ZKSCAN1: variants seen among roughly 807,000 people sequenced by gnomAD.
ZKSCAN1 encodes zinc finger protein with KRAB and SCAN domains 1.
In ZKSCAN1, 14 loss-of-function variants were observed where a neutral mutation model predicts 51.6. The ratio of observed to expected loss-of-function variants is 0.27; its 90% CI spans 0.18 to 0.42. ZKSCAN1 has a LOEUF of 0.42. Among genes scored for constraint, ZKSCAN1 ranks in the 10% least tolerant of loss-of-function variants. The pLI, the probability that ZKSCAN1 is intolerant of heterozygous loss-of-function variation, is 1.00. For missense variants in ZKSCAN1, 531 were observed against 710.0 expected, an observed-to-expected ratio of 0.75 and a Z score of 2.86; for synonymous variants, 263 against 261.5, an observed-to-expected ratio of 1.01 and a Z score of -0.06.
chr7:100,038,267 A>T lies in ZKSCAN1; in HGVS notation c.*4070A>T. On this transcript the variant is annotated 3_prime_UTR_variant, in exon 6 of 6. Coordinates refer to ENST00000324306, the MANE Select transcript of ZKSCAN1 (RefSeq NM_003439.4). ...ACTGTATTTTATTTTAGCCTATTTG[A>T]CAGAACACATCACTCAGAAAAAGTG... The T allele has an allele frequency of 1.0e-6, 1 of 985,382 alleles. No individual in the cohort carries two copies. The highest frequency in any genetic ancestry group is 1.1e-4 in the East Asian group (1 of 8,814). 61.0% of individuals were successfully genotyped at this position (985,382 alleles called of 1,614,324 possible). A position where few individuals can be genotyped will look rare whatever the true frequency, so the allele number is the denominator to read the frequency against.
At position 100,023,587 on chromosome 7, in the gene ZKSCAN1, G is replaced by C; in HGVS notation, c.81G>C (p.Lys27Asn). Residue 27 changes from lysine to asparagine, a missense_variant, in exon 2 of 6, where the codon AAG becomes AAC. Transcript: ENST00000324306. Reference sequence around the variant, plus strand: ...AGAAGGATGGTATCGTAATAGTGAAGGTGGAAGAGGAAGATGAGGAAGACC... The same window carrying C: ...AGAAGGATGGTATCGTAATAGTGAACGTGGAAGAGGAAGATGAGGAAGACC... ...AQEKDGIVIV[K>N]VEEEDEEDHM... The C allele has an allele frequency of 6.2e-7, 1 of 1,613,926 alleles. No individual in the cohort carries two copies. The highest frequency in any genetic ancestry group is 8.5e-7 in the Non-Finnish European group (1 of 1,180,044).
downstream of ZKSCAN1, among the ~76,000 whole-genome samples, chr7:100,042,737 C>CGTGTGTGTGTGTGT (rs34820993): frequency 1.4e-4 from 20 of 144,760 alleles, no homozygotes; most frequent in African/African-American, 2.1e-4. Context: ...TATAGATACA[C>CGTGTGTGTGTGTGT]GTGTGTGTGT....
At position 100,034,402 on chromosome 7, in the gene ZKSCAN1, A is replaced by G; in HGVS notation, c.*205A>G. ...TCCTTCCACACAGCCCCTGCAGGGA[A>G]AGGCTAATCTTACGGATAATCCACG... On this transcript the variant is annotated 3_prime_UTR_variant, in exon 6 of 6. Transcript: ENST00000324306. The G allele has an allele frequency of 1.5e-6, 2 of 1,308,770 alleles. No homozygotes were observed. Among genetic ancestry groups the G allele is most frequent in the Non-Finnish European group, 1.9e-6 (2 of 1,034,476 alleles). 81.1% of individuals were successfully genotyped at this position (1,308,770 alleles called of 1,614,324 possible).
Position 100,034,241 on chromosome 7 carries a change from A to G in ZKSCAN1, c.*44A>G. 1 of 1,499,184 alleles carries G rather than the reference A, an allele frequency of 6.7e-7. No homozygotes were observed. Among genetic ancestry groups the G allele is most frequent in the Non-Finnish European group, 8.8e-7 (1 of 1,132,546 alleles). The allele number at this position is 1,499,184 out of a possible 1,614,324, so 92.9% of individuals were successfully genotyped here. A position where few individuals can be genotyped will look rare whatever the true frequency, so the allele number is the denominator to read the frequency against. On this transcript the variant is annotated 3_prime_UTR_variant, in exon 6 of 6. Transcript: ENST00000324306. ...AGCCATTTCCCCCTTTTGTTTCTAA[A>G]ATTATTTCAGAGATGTGTGCTCCTG...
Position 100,036,250 on chromosome 7 carries a change from A to G in ZKSCAN1, c.*2053A>G. The G allele has an allele frequency of 1.0e-6, 1 of 985,456 alleles. No individual in the cohort carries two copies. The highest frequency in any genetic ancestry group is 1.7e-5 in the African/African-American group (1 of 57,362). 61.0% of individuals were successfully genotyped at this position (985,456 alleles called of 1,614,324 possible). A position where few individuals can be genotyped will look rare whatever the true frequency, so the allele number is the denominator to read the frequency against. ...AAAACGTGTTGCAAGTCAACCAGTC[A>G]CTAGGATATTTCTACCCATGCAACG... On this transcript the variant is annotated 3_prime_UTR_variant, in exon 6 of 6. Transcript: ENST00000324306.
At chr7:100,016,382 T>C (rs372657157) in intron 1 of ZKSCAN1, among the ~76,000 whole-genome samples, 1 of 152,256 alleles carries the variant, frequency 6.6e-6, no homozygotes, top group East Asian at 1.9e-4. Context: ...AAAAGAGCTG[T>C]CCGGGACGTT....
At chr7:100,044,861 C>T (rs1182045319), downstream of ZKSCAN1, 3 of 985,230 alleles carry the variant, frequency 3.0e-6, no homozygotes. Context: ...TCGGAGTTGT[C>T]ATGCGCCAGA....
In ZKSCAN1 at chr7:100,023,566, G is replaced by A. The variant is rs1306148160; in HGVS notation, c.60G>A (p.Lys20=). ...TGLSPQAAQE[K]DGIVIVKVEE... ...TGTCCCCACAGGCTGCACAGGAGAAGGATGGTATCGTAATAGTGAAGGTGG... is the reference window on the plus strand; with the variant it reads ...TGTCCCCACAGGCTGCACAGGAGAAAGATGGTATCGTAATAGTGAAGGTGG... The change falls in exon 2 of 6, where the codon AAG becomes AAA. Residue 20 remains lysine (K), a synonymous_variant. Transcript: ENST00000324306. 6.2e-7 allele frequency: 1 copy of A among 1,613,668 alleles called. No individual in the cohort carries two copies. Among genetic ancestry groups the A allele is most frequent in the Non-Finnish European group, 8.5e-7 (1 of 1,180,042 alleles).
rs2116004126 is a variant in ZKSCAN1, at chr7:100,041,292, T to G, written c.*7095T>G. The stretch of plus-strand genomic sequence containing the variant: ...TTTCATTTTACTAGGTTCCGAAGAG[T>G]CCAGATGCTTGGTAGATGTTCAATA... On this transcript the variant is annotated 3_prime_UTR_variant, in exon 6 of 6. Coordinates refer to ENST00000324306, the MANE Select transcript of ZKSCAN1 (RefSeq NM_003439.4). The G allele has an allele frequency of 1.0e-6, 1 of 984,496 alleles. No homozygotes were observed. The highest frequency in any genetic ancestry group is 1.1e-4 in the East Asian group (1 of 8,808). The allele number at this position is 984,496 out of a possible 1,614,324, so 61.0% of individuals were successfully genotyped here. A position where few individuals can be genotyped will look rare whatever the true frequency, so the allele number is the denominator to read the frequency against.
At chr7:100,044,434 G>A (rs1274240997), downstream of ZKSCAN1, among the ~76,000 whole-genome samples, 2 of 152,086 alleles carry the variant, frequency 1.3e-5, no homozygotes, top group African/African-American at 2.4e-5. Context: ...TTGGGAGGCT[G>A]AGGCAGGCGG....
chr7:100,022,009 C>T (rs1384579618), intron 1 of ZKSCAN1, among the ~76,000 whole-genome samples: 1 of 152,148 alleles, frequency 6.6e-6, no homozygotes, highest in African/African-American at 2.4e-5. Flanking sequence ...TCCCAAAGGG[C>T]TGGAATTATA....
In ZKSCAN1 at chr7:100,037,624, G is replaced by C; in HGVS notation, c.*3427G>C. On this transcript the variant is annotated 3_prime_UTR_variant, in exon 6 of 6. Transcript: ENST00000324306. ...TAAATAAACTTGATGAATATTATAT[G>C]TGAGGAAAACTTTCATGTATAGCAC... 1 of 985,424 alleles carries C rather than the reference G, an allele frequency of 1.0e-6. No individual in the cohort carries two copies. The highest frequency in any genetic ancestry group is 1.2e-6 in the Non-Finnish European group (1 of 829,936). The allele number at this position is 985,424 out of a possible 1,614,324, so 61.0% of individuals were successfully genotyped here.
chr7:100,025,454 TA>T (rs1213257924), intron 3 of ZKSCAN1, among the ~76,000 whole-genome samples: 2 of 152,120 alleles, frequency 1.3e-5, no homozygotes, highest in African/African-American at 4.8e-5. Context: ...GTCATATAAA[TA>T]AAAAGTCATG....
At chr7:100,025,103 A>T (rs1373379586) in intron 3 of ZKSCAN1, 1 of 151,970 alleles carries the variant, frequency 6.6e-6, no homozygotes, top group African/African-American at 2.4e-5. Flanking sequence ...GGTAGGCATT[A>T]TTTATTGAAT....
At chr7:100,043,770 G>GTT (rs1791655486), downstream of ZKSCAN1, among the ~76,000 whole-genome samples, 5 of 75,260 alleles carry the variant, frequency 6.6e-5, no homozygotes, top group Non-Finnish European at 1.3e-4. Context: ...TTTCTTTCTT[G>GTT]ATTTTTTTTT....
chr7:100,019,621 AC>A (rs1790516593), intron 1 of ZKSCAN1, among the ~76,000 whole-genome samples: 1 of 152,168 alleles, frequency 6.6e-6, no homozygotes, highest in Non-Finnish European at 1.5e-5. Flanking sequence ...TTGGGGAATC[AC>A]TTTTATTTCA....
Position 100,030,369 on chromosome 7 carries a change from C to T in ZKSCAN1, c.793C>T (p.Pro265Ser), listed in dbSNP as rs1452836109. The change falls in exon 5 of 6, where the codon CCC becomes TCC. Residue 265 changes from proline (P) to serine (S), a missense_variant. By Grantham distance (74) the Pro-to-Ser change is moderately conservative (BLOSUM62 -1). This residue lies in a region of ZKSCAN1 where 403 missense variants were observed against 490.5 expected (regional missense o/e 0.82). Coordinates refer to ENST00000324306, the MANE Select transcript of ZKSCAN1 (RefSeq NM_003439.4). Reference protein sequence around the residue: ...NRQENYGSAFPQGGENRNENE... With the variant: ...NRQENYGSAFSQGGENRNENE... The stretch of plus-strand genomic sequence containing the variant: ...GCAGGAGAATTATGGGAGCGCATTT[C>T]CCCAGGGTAAGACGGATGCAGGCTT... 4.3e-6 allele frequency: 7 copies of T among 1,613,392 alleles called. No individual in the cohort carries two copies. The highest frequency in any genetic ancestry group is 5.9e-6 in the Non-Finnish European group (7 of 1,179,768).
chr7:100,026,101 T>C (rs1436254632), intron 3 of ZKSCAN1, among the ~76,000 whole-genome samples: 1 of 151,878 alleles, frequency 6.6e-6, no homozygotes, highest in East Asian at 1.9e-4. Flanking sequence ...GTGCCTATAA[T>C]CCCAGCTACT....
Position 100,033,438 on chromosome 7 carries a change from AG to A in ZKSCAN1, c.935del (p.Gly312GlufsTer23). 6.2e-7 allele frequency: 1 copy of A among 1,614,138 alleles called. No individual in the cohort carries two copies. Among genetic ancestry groups the A allele is most frequent in the Non-Finnish European group, 8.5e-7 (1 of 1,180,028 alleles). ...GEKRDQEGKTGERQQKNPEEK... is the reference protein window; with the variant it reads ...GEKRDQEGKTXERQQKNPEEK... ...AGAAACGTGACCAGGAGGGCAAAAC[AG>A]GAGAAAGACAGCAGAAAAACCCTGA... is the stretch of plus-strand genomic sequence containing the variant. On this transcript the variant is annotated frameshift_variant, in exon 6 of 6. Transcript: ENST00000324306. LOFTEE classifies it high-confidence loss of function. This position sits in a 1 kb window ranked among gnomAD's most constrained non-coding sequence, Gnocchi z 4.1.
Sources: gnomAD v4.1 joint callset for allele counts (sites outside exome capture counted in the v4.1 genomes callset) on GRCh38, gnomAD v4.1.1 for gene constraint, gnomAD v4.1.1 regional missense constraint, Gnocchi (gnomAD v3.1) non-coding constraint, MANE v1.5 for transcripts, NCBI Gene and HGNC (gene_info 2026-07-23, HGNC 2026-07-21) for gene names.